Variants in BCL7C observed in about 807,000 individuals in gnomAD.
BCL7C encodes the protein B-cell CLL/lymphoma 7 protein family member C.
BCL7C carries 8 observed loss-of-function variants against 26.2 expected under a neutral mutation model. The observed-to-expected ratio is 0.30, with a 90% CI of 0.18 to 0.55. The LOEUF is 0.55. Ranked by LOEUF, BCL7C falls within the 20% of genes least tolerant of loss-of-function variation. The pLI is 0.93. For synonymous variants in BCL7C, 90 were observed against 116.5 expected, an observed-to-expected ratio of 0.77 and a Z score of 1.47; for missense variants, 262 against 298.5, an observed-to-expected ratio of 0.88 and a Z score of 0.90.
At chr16:30,863,614 T>C (rs2054796450) in intron 5 of BCL7C, among the ~76,000 whole-genome samples, 1 of 152,172 alleles carries the variant, frequency 6.6e-6, no homozygotes, top group Non-Finnish European at 1.5e-5. Flanking sequence ...TGTTCCAACT[T>C]CTGTCCCTCA....
chr16:30,887,879 C>A lies in BCL7C; in HGVS notation c.640G>T (p.Ala214Ser). 6.3e-7 allele frequency: 1 copy of A among 1,593,634 alleles called. No homozygotes were observed. Among genetic ancestry groups the A allele is most frequent in the Non-Finnish European group, 8.5e-7 (1 of 1,171,318 alleles). ...AGGCCGGCTTCTCAGGGGTCAGGGGCATTTGGGCAGATGCGCTTGAGTGGG... is the reference window on the plus strand; with the variant it reads ...AGGCCGGCTTCTCAGGGGTCAGGGGAATTTGGGCAGATGCGCTTGAGTGGG... The part of the protein sequence containing the change: ...APPLKRICPN[A>S]PDP The change falls in exon 6 of 6, where the codon GCC becomes TCC. Residue 214 changes from alanine to serine, a missense_variant. Physicochemically the swap from Ala to Ser is moderately conservative, Grantham distance 99 (BLOSUM62 1). Transcript: ENST00000215115.
intron 5 of BCL7C, chr16:30,840,842 AACTC>A (rs2054597466): frequency 6.6e-6 from 1 of 152,174 alleles, no homozygotes; most frequent in Non-Finnish European, 1.5e-5. Context: ...ATCTCATGAG[AACTC>A]ACTCACTGTC....
chr16:30,889,955 A>AAAATGAAGG (rs1384476752), intron 4 of BCL7C, among the ~76,000 whole-genome samples: 1 of 151,908 alleles, frequency 6.6e-6, no homozygotes, highest in East Asian at 1.9e-4. Flanking sequence ...CAAAGCTTAA[A>AAAATGAAGG]AAATGAAGGA....
intron 5 of BCL7C, among the ~76,000 whole-genome samples, chr16:30,849,680 A>T (rs2054659085): frequency 1.3e-5 from 2 of 151,094 alleles, no homozygotes; most frequent in Admixed American, 1.3e-4. Flanking sequence ...TGAACTCCTG[A>T]CCTTGGGCAA....
intron 5 of BCL7C, among the ~76,000 whole-genome samples, chr16:30,865,890 A>ATTT (rs4046092): frequency 1.0e-4 from 14 of 137,088 alleles, no homozygotes; most frequent in Admixed American, 2.2e-4. Flanking sequence ...CAGTGCCCTA[A>ATTT]TTTTTTTTTT....
At chr16:30,855,235 A>AATTT (rs758999940) in intron 5 of BCL7C, among the ~76,000 whole-genome samples, 1 of 151,378 alleles carries the variant, frequency 6.6e-6, no homozygotes, top group South Asian at 2.1e-4. Context: ...TTCTCAAATA[A>AATTT]ATTTATTTAT....
Position 30,893,124 on chromosome 16 carries a change from C to T in BCL7C, c.171+88G>A, listed in dbSNP as rs760516010. On this transcript the variant is annotated intron_variant, in intron 2 of 5. Coordinates refer to ENST00000215115, the MANE Select transcript of BCL7C (RefSeq NM_004765.4). The surrounding 1 kb of genome is among the most constrained non-coding windows in gnomAD (Gnocchi z 5.2). ...GTCTGTCCTGCTGCATCTGAGGTCT[C>T]GGGGAGCTGGAGGTAGAGGTCAGCG... 2.1e-6 allele frequency: 3 copies of T among 1,407,376 alleles called. No individual in the cohort carries two copies. The highest frequency in any genetic ancestry group is 1.9e-5 in the Admixed American group (1 of 51,890). 87.2% of individuals were successfully genotyped at this position (1,407,376 alleles called of 1,614,324 possible). A position where few individuals can be genotyped will look rare whatever the true frequency, so the allele number is the denominator to read the frequency against.
At chr16:30,858,837 T>C (rs2054746294) in intron 5 of BCL7C, among the ~76,000 whole-genome samples, 1 of 152,182 alleles carries the variant, frequency 6.6e-6, no homozygotes, top group Non-Finnish European at 1.5e-5. Flanking sequence ...ATGACTCGCA[T>C]GACTAAAGAT....
rs548063220 is a variant in BCL7C at position 30,834,829 on chromosome 16, C to G, written c.*119G>C. 25 of 1,069,930 alleles carry G rather than the reference C, an allele frequency of 2.3e-5. 1 individual carries two copies. The South Asian group carries it at 3.4e-4, about 15-fold the overall frequency. The allele number at this position is 1,069,930 out of a possible 1,614,324, so 66.3% of individuals were successfully genotyped here. On this transcript the variant is annotated 3_prime_UTR_variant, in exon 6 of 6. Transcript: ENST00000380317. This position sits in a 1 kb window ranked among gnomAD's most constrained non-coding sequence, Gnocchi z 4.3. ...GGCAGGTGTGGGGCCGCTCGCCCTC[C>G]GATGTTACCGCGGTGGGTGAGCTGG...
chr16:30,888,832 A>G, intron 5 of BCL7C, 28 bp downstream of exon 5: 1 of 1,609,720 alleles, frequency 6.2e-7, no homozygotes, highest in African/African-American at 1.3e-5. Flanking sequence ...TCCAAGACCC[A>G]GGAGTCCAGC....
At chr16:30,891,371 A>C (rs865946700) in intron 4 of BCL7C, among the ~76,000 whole-genome samples, 1 of 152,182 alleles carries the variant, frequency 6.6e-6, no homozygotes, top group African/African-American at 2.4e-5. Context: ...CTGAGGCAGG[A>C]GAATTGCCTG....
intron 5 of BCL7C, among the ~76,000 whole-genome samples, chr16:30,841,277 T>C (rs2054600200): frequency 6.6e-6 from 1 of 152,154 alleles, no homozygotes; most frequent in Non-Finnish European, 1.5e-5. Flanking sequence ...CCAATTCATA[T>C]GAAGAGGTCC....
chr16:30,856,931 C>T (rs1226186489), intron 5 of BCL7C, among the ~76,000 whole-genome samples: 1 of 152,154 alleles, frequency 6.6e-6, no homozygotes, highest in Non-Finnish European at 1.5e-5. Flanking sequence ...GTTTTCTTTC[C>T]TTTTAAGTTT....
chr16:30,865,733 T>C (rs1022600403), intron 5 of BCL7C, among the ~76,000 whole-genome samples: 1 of 144,802 alleles, frequency 6.9e-6, no homozygotes, highest in Admixed American at 6.9e-5. Context: ...TTTTCTTTTT[T>C]TTTTTTTTTT....
At chr16:30,864,591 C>T (rs2054807534) in intron 5 of BCL7C, among the ~76,000 whole-genome samples, 1 of 152,100 alleles carries the variant, frequency 6.6e-6, no homozygotes, top group South Asian at 2.1e-4. Flanking sequence ...CTCCATACCA[C>T]CCCCAAAAAT....
At chr16:30,864,837 C>T (rs1250868363) in intron 5 of BCL7C, among the ~76,000 whole-genome samples, 2 of 143,524 alleles carry the variant, frequency 1.4e-5, no homozygotes, top group Admixed American at 7.1e-5. Flanking sequence ...TATTCTCCCC[C>T]CCACCCCCAC....
intron 5 of BCL7C, chr16:30,875,221 C>G (rs1458394871): frequency 6.5e-6 from 1 of 154,598 alleles, no homozygotes; most frequent in Non-Finnish European, 1.5e-5. Context: ...GGCCTAGATG[C>G]GAGTTTCCCG....
rs148538550 is a variant in BCL7C, at chr16:30,849,207, A to G, written c.529-14059T>C. ...GTCTCAAAAAAAAAAAAAGAAAAAG[A>G]AAAAGTAGAGTATTGAAATCTCTGC... is the stretch of plus-strand genomic sequence containing the variant. On this transcript the variant is annotated intron_variant, in intron 5 of 5. Transcript: ENST00000380317. Among the ~76,000 whole-genome samples the G allele has an allele frequency of 2.6e-5, 4 of 151,870 alleles. No homozygotes were observed. The East Asian group carries it at 7.7e-4, about 29-fold the overall frequency.
intron 5 of BCL7C, among the ~76,000 whole-genome samples, chr16:30,873,227 A>G (rs1425078947): frequency 1.5e-5 from 1 of 67,318 alleles, no homozygotes. Context: ...TCTGAGCTCA[A>G]GGAGTTGATT....
Sources: gnomAD v4.1 joint callset for allele counts (sites outside exome capture counted in the v4.1 genomes callset) on GRCh38, gnomAD v4.1.1 for gene constraint, Gnocchi (gnomAD v3.1) non-coding constraint, MANE v1.5 for transcripts, NCBI Gene and HGNC (gene_info 2026-07-23, HGNC 2026-07-21) for gene names.